CHL1: variants seen among roughly 807,000 people sequenced by gnomAD.
The protein encoded by CHL1 is cell adhesion molecule L1 like.
Under a neutral mutation model 141.9 loss-of-function variants are expected in CHL1, and 96 were observed. The observed-to-expected ratio is 0.68, with a 90% CI of 0.57 to 0.80. The LOEUF is 0.80. Ranked by LOEUF, CHL1 falls within the 30% of genes least tolerant of loss-of-function variation. CHL1 has a pLI of 0.00. For synonymous variants in CHL1, 613 were observed against 502.2 expected (o/e 1.22, Z -2.95); for missense variants, 1,820 against 1,457.2 (o/e 1.25, Z -4.05).
intron 1 of CHL1, among the ~76,000 whole-genome samples, chr3:244,002 G>A (rs1692917668): frequency 6.6e-6 from 1 of 152,174 alleles, no homozygotes; most frequent in African/African-American, 2.4e-5. Context: ...TGAGACACCT[G>A]GGAATGAACA....
intron 19 of CHL1, among the ~76,000 whole-genome samples, chr3:384,123 T>C (rs907677800): frequency 6.6e-6 from 1 of 152,204 alleles, no homozygotes; most frequent in Non-Finnish European, 1.5e-5. Flanking sequence ...ATTGATTTAG[T>C]TGTAATACAT....
intron 1 of CHL1, among the ~76,000 whole-genome samples, chr3:212,042 C>T (rs1451962771): frequency 1.3e-5 from 2 of 152,010 alleles, no homozygotes; most frequent in African/African-American, 4.8e-5. Context: ...ATTCAATCTT[C>T]TGGACAAGTT....
chr3:248,813 A>G (rs1559334575), intron 2 of CHL1, among the ~76,000 whole-genome samples: 1 of 152,182 alleles, frequency 6.6e-6, no homozygotes, highest in Non-Finnish European at 1.5e-5. Flanking sequence ...AAAGATACTG[A>G]AACCCAGCAA....
intron 4 of CHL1, 94 bp from the exon 5 acceptor site, chr3:328,073 G>T (rs753157088): frequency 1.1e-6 from 1 of 880,818 alleles, no homozygotes; most frequent in Non-Finnish European, 1.7e-6. Flanking sequence ...ATCATAAAAT[G>T]TCTTGGTTTT....
chr3:328,626 A>G (rs1701196461), intron 5 of CHL1, among the ~76,000 whole-genome samples: 1 of 152,160 alleles, frequency 6.6e-6, no homozygotes, highest in African/African-American at 2.4e-5. Flanking sequence ...AGAATTAAAC[A>G]TATTATTAGT....
chr3:349,499 A>G lies in CHL1; in HGVS notation c.989A>G (p.Asn330Ser). 1 of 1,613,978 alleles carries G rather than the reference A, an allele frequency of 6.2e-7. No homozygotes were observed. The highest frequency in any genetic ancestry group is 8.5e-7 in the Non-Finnish European group (1 of 1,179,936). ...DKGNYRCTAS[N>S]FLGTATHDFH... ...GGAAATTATCGCTGCACAGCCAGCA[A>G]TTTCTTGGGAACAGCCACTCACGAT... Residue 330 changes from asparagine (N) to serine (S), a missense_variant, in exon 10 of 28, where the codon AAT (asparagine) becomes AGT (serine). Coordinates refer to ENST00000256509, the MANE Select transcript of CHL1 (RefSeq NM_006614.4).
intron 12 of CHL1, 84 bp from the exon 13 acceptor site, chr3:361,615 G>A (rs1704260333): frequency 1.1e-5 from 9 of 851,508 alleles, no homozygotes; most frequent in Non-Finnish European, 1.6e-5. Flanking sequence ...GTTTGTATTC[G>A]TATGACTAGG....
chr3:368,631 A>G (rs1705209424), intron 15 of CHL1, among the ~76,000 whole-genome samples: 2 of 151,980 alleles, frequency 1.3e-5, no homozygotes, highest in Non-Finnish European at 2.9e-5. Flanking sequence ...CTTTTGTTTC[A>G]ATTGCTTTTG....
chr3:390,860 C>A lies in CHL1; in HGVS notation c.2586+44C>A, dbSNP rs114220576. 639 of 1,499,504 alleles carry A rather than the reference C, an allele frequency of 4.3e-4. 3 individuals are homozygous for A. The African/African-American group carries it at 8.1e-3, about 19-fold the overall frequency. 92.9% of individuals were successfully genotyped at this position (1,499,504 alleles called of 1,614,324 possible). A position where few individuals can be genotyped will look rare whatever the true frequency, so the allele number is the denominator to read the frequency against. ...TTTCCTCTTCTTGTTGAATTGGTAT[C>A]TTTCCTGAGAATAAAGAAGAATTGA... is the stretch of plus-strand genomic sequence containing the variant. On this transcript the variant is annotated intron_variant, in intron 21 of 27. Transcript: ENST00000256509.
intron 1 of CHL1, among the ~76,000 whole-genome samples, chr3:219,561 T>C (rs535927591): frequency 1.3e-4 from 20 of 152,312 alleles, no homozygotes; most frequent in African/African-American, 4.3e-4. Flanking sequence ...AGCTGGAGGC[T>C]ATTATCCTTA....
At chr3:401,942 C>T (rs959545794) in intron 27 of CHL1, among the ~76,000 whole-genome samples, 1 of 152,158 alleles carries the variant, frequency 6.6e-6, no homozygotes, top group African/African-American at 2.4e-5. Flanking sequence ...TTTCTTGAAG[C>T]TCTGTGCCTA....
intron 15 of CHL1, 102 bp downstream of exon 15, chr3:366,217 T>A: frequency 8.8e-7 from 1 of 1,138,090 alleles, no homozygotes; most frequent in South Asian, 1.4e-5. Context: ...ACGCTTGTAA[T>A]CCCAGCACTT....
At chr3:338,155 C>G (rs981722063) in intron 5 of CHL1, among the ~76,000 whole-genome samples, 1 of 152,122 alleles carries the variant, frequency 6.6e-6, no homozygotes, top group Non-Finnish European at 1.5e-5. Flanking sequence ...TTCTGCTTAG[C>G]TAGACTGTTA....
At chr3:334,023 C>A (rs1018310948) in intron 5 of CHL1, among the ~76,000 whole-genome samples, 52 of 152,126 alleles carry the variant, frequency 3.4e-4, no homozygotes, top group African/African-American at 1.1e-3. Context: ...GTGGTACAAA[C>A]ATGGCTCACT....
At chr3:356,043 C>T (rs1353680402) in intron 11 of CHL1, among the ~76,000 whole-genome samples, 2 of 152,114 alleles carry the variant, frequency 1.3e-5, no homozygotes, top group African/African-American at 4.8e-5. Flanking sequence ...AACAGCCCCC[C>T]GTAAGGTATG....
At chr3:354,595 T>A (rs772029711) in intron 10 of CHL1, 45 bp from the exon 11 acceptor site, 1 of 1,565,638 alleles carries the variant, frequency 6.4e-7, no homozygotes, top group Admixed American at 2.0e-5. Flanking sequence ...TTTGGACTTT[T>A]TGACATAGAT....
At chr3:309,412 TC>T (rs1699556333) in intron 2 of CHL1, 73 of 151,396 alleles carry the variant, frequency 4.8e-4, no homozygotes, top group African/African-American at 1.8e-3. Flanking sequence ...CCTTGCTTTC[TC>T]TCTTTTCTTC....
chr3:360,084 G>T (rs1340579599), intron 11 of CHL1, among the ~76,000 whole-genome samples, 200 bp from the exon 12 acceptor site: 1 of 152,166 alleles, frequency 6.6e-6, no homozygotes, highest in African/African-American at 2.4e-5. Context: ...TAACTTGAAA[G>T]ATAATTGAAA....
intron 1 of CHL1, among the ~76,000 whole-genome samples, chr3:212,125 T>C (rs1699948140): frequency 6.6e-6 from 1 of 152,266 alleles, no homozygotes; most frequent in Admixed American, 6.5e-5. Flanking sequence ...GGAAAACAAA[T>C]GCAGAGTGGT....
Sources: gnomAD v4.1 joint callset for allele counts (sites outside exome capture counted in the v4.1 genomes callset) on GRCh38, gnomAD v4.1.1 for gene constraint, MANE v1.5 for transcripts, NCBI Gene and HGNC (gene_info 2026-07-23, HGNC 2026-07-21) for gene names.